The following TUSC3 variants were observed in gnomAD, a reference collection of about 807,000 sequenced individuals.
TUSC3 encodes tumor suppressor candidate 3, also known as dolichyl-diphosphooligosaccharide--protein glycosyltransferase subunit TUSC3.
TUSC3 carries 45 observed loss-of-function variants against 44.8 expected under a neutral mutation model. That is an observed-to-expected ratio of 1.00 (90% CI 0.79 to 1.29). The LOEUF is 1.29. TUSC3 is among the 50% of genes most tolerant of loss of function. The probability of loss-of-function intolerance (pLI) is 0.00; values close to 1 mark genes in which losing one functional copy is unlikely to be tolerated. For missense variants in TUSC3, 519 were observed against 437.9 expected, an observed-to-expected ratio of 1.19 and a Z score of -1.65; for synonymous variants, 212 against 152.9, an observed-to-expected ratio of 1.39 and a Z score of -2.85.
chr8:15,429,370 T>A (rs1215172644), intron 1 of TUSC3, among the ~76,000 whole-genome samples: 2 of 151,020 alleles, frequency 1.3e-5, no homozygotes, highest in Non-Finnish European at 2.9e-5. Context: ...TTGGTTACTG[T>A]AGCCTTGTAG....
chr8:15,764,237 T>A lies in TUSC3; in HGVS notation c.*81T>A. On this transcript the variant is annotated 3_prime_UTR_variant, in exon 11 of 11. Coordinates refer to ENST00000503731, the MANE Select transcript of TUSC3 (RefSeq NM_006765.4). Reference sequence around the variant, plus strand: ...TAAATGAAGCCAAGTGGGATTTGCATAAAGTGAATGTTTACCATGAAGATA... The same window carrying A: ...TAAATGAAGCCAAGTGGGATTTGCAAAAAGTGAATGTTTACCATGAAGATA... 2 of 1,605,768 alleles carry A rather than the reference T, an allele frequency of 1.2e-6. No homozygotes were observed. Among genetic ancestry groups the A allele is most frequent in the Non-Finnish European group, 1.7e-6 (2 of 1,173,812 alleles).
At chr8:15,758,052 G>C in intron 10 of TUSC3, 197 bp downstream of exon 10, 1 of 1,384,208 alleles carries the variant, frequency 7.2e-7, no homozygotes, top group Non-Finnish European at 9.3e-7. Flanking sequence ...AGATAAAAAT[G>C]TCTACCAAAA....
At chr8:15,581,576 A>T (rs4510864) in intron 1 of TUSC3, among the ~76,000 whole-genome samples, 24 of 146,458 alleles carry the variant, frequency 1.6e-4, no homozygotes, top group African/African-American at 3.7e-4. Flanking sequence ...AATACCCTGC[A>T]GTGTGAGGTG....
At chr8:15,624,519 A>G (rs1805401877) in intron 2 of TUSC3, among the ~76,000 whole-genome samples, 1 of 152,208 alleles carries the variant, frequency 6.6e-6, no homozygotes, top group African/African-American at 2.4e-5. Context: ...TACTGTAGTA[A>G]TACCTCATTG....
chr8:15,460,025 TAAC>T (rs1303382167), intron 1 of TUSC3, among the ~76,000 whole-genome samples: 1 of 152,198 alleles, frequency 6.6e-6, no homozygotes, highest in Non-Finnish European at 1.5e-5. Context: ...TTTCATGTAA[TAAC>T]TTATTTTCCT....
chr8:15,773,478 T>A, the TUSC3 span, among the ~76,000 whole-genome samples: 1 of 152,088 alleles, frequency 6.6e-6, no homozygotes, highest in African/African-American at 2.4e-5. Context: ...ATACATCAAG[T>A]TCATACGTTG....
At chr8:15,737,597 G>C (rs1305927906) in intron 7 of TUSC3, among the ~76,000 whole-genome samples, 1 of 152,076 alleles carries the variant, frequency 6.6e-6, no homozygotes, top group Non-Finnish European at 1.5e-5. Context: ...ACAAAAACTA[G>C]GCCAAAGTAT....
At chr8:15,485,210 T>A (rs1296815916) in intron 2 of TUSC3, among the ~76,000 whole-genome samples, 2 of 152,336 alleles carry the variant, frequency 1.3e-5, no homozygotes, top group East Asian at 3.9e-4. Context: ...CAAGTTCCTC[T>A]GGCTGCACTT....
chr8:15,840,618 C>T, the TUSC3 span, among the ~76,000 whole-genome samples: 2 of 152,122 alleles, frequency 1.3e-5, no homozygotes, highest in African/African-American at 4.8e-5. Context: ...TTCTTAATTC[C>T]TAGTTAAAAA....
At position 15,503,238 on chromosome 8, in the gene TUSC3, C is replaced by T. The variant is rs557682932; in HGVS notation, n.189+19755C>T. Among the ~76,000 whole-genome samples, 21 of 152,194 alleles carry T rather than the reference C, an allele frequency of 1.4e-4. 1 individual carries two copies. Among genetic ancestry groups the T allele is most frequent in the African/African-American group, 4.3e-4 (18 of 41,528 alleles). On this transcript the variant is annotated intron_variant and non_coding_transcript_variant, in intron 2 of 5. Transcript: ENST00000503191. Reference sequence around the variant, plus strand: ...ATACAGAGGAAAGACAGTGGGAAGACACAAGGACAATATGGCCATCTACAA... The same window carrying T: ...ATACAGAGGAAAGACAGTGGGAAGATACAAGGACAATATGGCCATCTACAA...
intron 2 of TUSC3, among the ~76,000 whole-genome samples, chr8:15,497,272 G>A (rs140857228): frequency 3.9e-5 from 6 of 152,230 alleles, no homozygotes; most frequent in Admixed American, 1.3e-4. Flanking sequence ...AATTCCCACC[G>A]GGTGATTTAA....
At chr8:15,467,066 T>A (rs548272986) in intron 1 of TUSC3, among the ~76,000 whole-genome samples, 1 of 152,222 alleles carries the variant, frequency 6.6e-6, no homozygotes, top group South Asian at 2.1e-4. Flanking sequence ...AAGTGTACAG[T>A]CTTCGCTTAC....
At chr8:15,590,624 A>G (rs1803789713) in intron 1 of TUSC3, among the ~76,000 whole-genome samples, 1 of 151,772 alleles carries the variant, frequency 6.6e-6, no homozygotes, top group Non-Finnish European at 1.5e-5. Flanking sequence ...CAAAGTATTT[A>G]TAAATATTTA....
At chr8:15,549,166 G>C (rs947442468) in intron 1 of TUSC3, among the ~76,000 whole-genome samples, 1 of 151,558 alleles carries the variant, frequency 6.6e-6, no homozygotes, top group Non-Finnish European at 1.5e-5. Flanking sequence ...CTTTTTAAAA[G>C]TACTTATTTA....
In TUSC3 at chr8:15,472,660, A is replaced by G. The variant is rs138285562; in HGVS notation, n.92-10726A>G. Reference sequence around the variant, plus strand: ...TGTTGAGGATGGTATTAGGGCCATTATAAGAACATAGTTTGCCCAAGACTC... The same window carrying G: ...TGTTGAGGATGGTATTAGGGCCATTGTAAGAACATAGTTTGCCCAAGACTC... On this transcript the variant is annotated intron_variant and non_coding_transcript_variant, in intron 1 of 5. Coordinates refer to the TUSC3 transcript ENST00000503191. Among the ~76,000 whole-genome samples, 8 of 152,346 alleles carry G rather than the reference A, an allele frequency of 5.3e-5. No homozygotes were observed. The East Asian group carries it at 1.4e-3, about 26-fold the overall frequency.
chr8:15,593,723 T>G (rs931141458), intron 1 of TUSC3, among the ~76,000 whole-genome samples: 4 of 152,156 alleles, frequency 2.6e-5, no homozygotes, highest in Non-Finnish European at 4.4e-5. Flanking sequence ...TTGAAATTAT[T>G]TTGCTAATTT....
At chr8:15,676,624 C>T (rs1808202010) in intron 6 of TUSC3, among the ~76,000 whole-genome samples, 1 of 152,106 alleles carries the variant, frequency 6.6e-6, no homozygotes. Flanking sequence ...TGTCTGGATA[C>T]ATTTTAGATT....
At chr8:15,606,976 C>T (rs1804556574) in intron 1 of TUSC3, among the ~76,000 whole-genome samples, 1 of 151,684 alleles carries the variant, frequency 6.6e-6, no homozygotes, top group Non-Finnish European at 1.5e-5. Flanking sequence ...AAACAAAGTA[C>T]AATGTTTTAT....
At chr8:15,816,985 A>G in the TUSC3 span, among the ~76,000 whole-genome samples, 2 of 152,174 alleles carry the variant, frequency 1.3e-5, no homozygotes, top group African/African-American at 4.8e-5. Context: ...GATAAAATAT[A>G]AGATGTGAAG....
Sources: allele counts gnomAD v4.1 joint callset (sites outside exome capture counted in the v4.1 genomes callset), GRCh38; gene constraint gnomAD v4.1.1; transcripts MANE v1.5; gene names NCBI Gene and HGNC (gene_info 2026-07-23, HGNC 2026-07-21).